The following COL4A5 variants were observed in gnomAD, a reference collection of about 807,000 sequenced individuals.
COL4A5 encodes collagen alpha-5(IV) chain.
In COL4A5, 26 loss-of-function variants were observed where a neutral mutation model predicts 130.2. The observed-to-expected ratio is 0.20, with a 90% CI of 0.15 to 0.28. The LOEUF (loss-of-function observed/expected upper bound fraction) is 0.28. Ranked by LOEUF, COL4A5 falls within the 10% of genes least tolerant of loss-of-function variation. The probability of loss-of-function intolerance (pLI) is 1.00; values close to 1 mark genes in which losing one functional copy is unlikely to be tolerated. For synonymous variants in COL4A5, 496 were observed against 439.6 expected, an observed-to-expected ratio of 1.13 and a Z score of -1.60; for missense variants, 1,131 against 1,344.3, an observed-to-expected ratio of 0.84 and a Z score of 2.48.
At chrX:108,639,330 G>T (rs1312386509) in intron 36 of COL4A5, among the ~76,000 whole-genome samples, 1 of 110,990 alleles carries the variant, frequency 9.0e-6, no homozygotes, top group Non-Finnish European at 1.9e-5. Context: ...ATGTCCATAT[G>T]CAGAAGAATG....
chrX:108,617,862 A>G (rs1314858066), intron 30 of COL4A5, among the ~76,000 whole-genome samples: 2 of 112,057 alleles, frequency 1.8e-5, no homozygotes, highest in African/African-American at 6.5e-5. Context: ...ACTAATGTGA[A>G]TCAAAACAAA....
intron 1 of COL4A5, among the ~76,000 whole-genome samples, chrX:108,451,410 G>A (rs2064510949): frequency 8.9e-6 from 1 of 111,847 alleles, no homozygotes; most frequent in Non-Finnish European, 1.9e-5. Flanking sequence ...GAACCCTGAG[G>A]AATCGCCACA....
intron 1 of COL4A5, among the ~76,000 whole-genome samples, chrX:108,447,143 G>GC (rs949701469): frequency 2.7e-5 from 3 of 110,713 alleles, no homozygotes; most frequent in Non-Finnish European, 5.7e-5. Context: ...CCTCTCACCA[G>GC]CCCCTGCACT....
intron 39 of COL4A5, 48 bp from the exon 40 acceptor site, chrX:108,667,085 G>A (rs1333353237): frequency 8.6e-7 from 1 of 1,164,402 alleles, no homozygotes; most frequent in African/African-American, 1.8e-5. Context: ...GTTTCAGTTT[G>A]TATTATCCAC....
chrX:108,502,875 G>A (rs887878912), intron 1 of COL4A5, among the ~76,000 whole-genome samples: 2 of 111,224 alleles, frequency 1.8e-5, no homozygotes, highest in Admixed American at 9.6e-5. Context: ...ACCCAAATTC[G>A]CGTTCCTAGG....
At chrX:108,550,400 A>G (rs2065733772) in intron 2 of COL4A5, among the ~76,000 whole-genome samples, 1 of 112,325 alleles carries the variant, frequency 8.9e-6, no homozygotes, top group Admixed American at 9.5e-5. Context: ...GTGACTCACT[A>G]TATTAAAGAC....
At position 108,680,324 on chromosome X, in the gene COL4A5, G is replaced by A. The variant is rs140812034; in HGVS notation, c.3943-355G>A. ...TGTGACATTTCCCTTACCCAACCACGGCCAGTTGGTTGTGTTTTAACTTTG... is the reference window on the plus strand; with the variant it reads ...TGTGACATTTCCCTTACCCAACCACAGCCAGTTGGTTGTGTTTTAACTTTG... On this transcript the variant is annotated intron_variant, in intron 44 of 52. Coordinates refer to ENST00000328300, the MANE Select transcript of COL4A5 (RefSeq NM_033380.3). 3.1e-4 allele frequency among the ~76,000 whole-genome samples: 35 copies of A among 111,475 alleles called. No individual in the cohort carries two copies. The East Asian group carries it at 5.7e-3, about 18-fold the overall frequency.
intron 9 of COL4A5, among the ~76,000 whole-genome samples, chrX:108,574,599 T>C (rs1388827053): frequency 8.9e-6 from 1 of 111,878 alleles, no homozygotes; most frequent in Admixed American, 9.5e-5. Context: ...AGCAATAGAA[T>C]ATTTAGCTTT....
chrX:108,630,622 G>A (rs965108400), intron 36 of COL4A5, among the ~76,000 whole-genome samples: 1 of 111,743 alleles, frequency 8.9e-6, no homozygotes, highest in African/African-American at 3.3e-5. Flanking sequence ...TCACTCTGAT[G>A]GTAGTTTCTT....
intron 1 of COL4A5, among the ~76,000 whole-genome samples, chrX:108,472,052 C>T (rs994225887): frequency 2.7e-5 from 3 of 111,349 alleles, no homozygotes; most frequent in Non-Finnish European, 3.8e-5. Context: ...TTTCATTCTT[C>T]TCTTAAGTAT....
intron 1 of COL4A5, among the ~76,000 whole-genome samples, chrX:108,483,300 A>C (rs771231531): frequency 9.0e-6 from 1 of 110,532 alleles, no homozygotes; most frequent in Non-Finnish European, 1.9e-5. Context: ...AAGGTCCCAC[A>C]ATATGCTGTC....
At chrX:108,458,632 T>C (rs2064608052) in intron 1 of COL4A5, among the ~76,000 whole-genome samples, 1 of 111,980 alleles carries the variant, frequency 8.9e-6, no homozygotes, top group Non-Finnish European at 1.9e-5. Flanking sequence ...AAAAATGATG[T>C]CTTAACAGTA....
At chrX:108,589,935 A>G (rs1400423267) in intron 19 of COL4A5, among the ~76,000 whole-genome samples, 5 of 111,603 alleles carry the variant, frequency 4.5e-5, no homozygotes, top group Non-Finnish European at 9.4e-5. Flanking sequence ...AGACAAATCA[A>G]TAAGAGAAAA....
chrX:108,504,081 A>G (rs1054283497), intron 1 of COL4A5, among the ~76,000 whole-genome samples: 2 of 111,710 alleles, frequency 1.8e-5, no homozygotes, highest in Non-Finnish European at 3.8e-5. Context: ...ACTGAGAAAT[A>G]AAGCCAAATA....
chrX:108,469,169 C>CTTTTTTTTTTTTT (rs529015725), intron 1 of COL4A5, among the ~76,000 whole-genome samples: 1 of 77,676 alleles, frequency 1.3e-5, no homozygotes, highest in Non-Finnish European at 2.4e-5. Context: ...CTCTCTCTCT[C>CTTTTTTTTTTTTT]TTTTTTTTTT....
chrX:108,652,732 A>C (rs1433373047), intron 36 of COL4A5, among the ~76,000 whole-genome samples: 1 of 112,374 alleles, frequency 8.9e-6, no homozygotes, highest in East Asian at 2.8e-4. Context: ...AACAACAAAG[A>C]AGATATCAAA....
chrX:108,571,825 C>T lies in COL4A5; in HGVS notation c.453C>T (p.Ile151=), dbSNP rs2147755078. The T allele has an allele frequency of 8.4e-7, 1 of 1,190,229 alleles. No individual in the cohort carries two copies. The highest frequency in any genetic ancestry group is 1.1e-6 in the Non-Finnish European group (1 of 876,306). Residue 151 remains isoleucine (I), a synonymous_variant, in exon 8 of 53, where the codon ATC becomes ATT. Transcript: ENST00000328300. ...TTTAATAATAGGGACCCCCTGGGAT[C>T]CCAGGTATGAAGGTAAGCATCTCAT... ...GLQGPPGPPG[I]PGMKGEPGSI... is the part of the protein sequence containing the mutation.
chrX:108,621,984 A>G, intron 32 of COL4A5, 92 bp downstream of exon 32: 1 of 643,724 alleles, frequency 1.6e-6, no homozygotes, highest in Non-Finnish European at 2.5e-6. Context: ...GACTGTTTTA[A>G]AATGAGCAAT....
intron 25 of COL4A5, 66 bp downstream of exon 25, chrX:108,598,936 C>T: frequency 1.8e-6 from 2 of 1,091,567 alleles, no homozygotes; most frequent in South Asian, 3.8e-5. Flanking sequence ...GTTTTGGCTA[C>T]TCATGGCTTC....
Sources: gnomAD v4.1 joint callset for allele counts (sites outside exome capture counted in the v4.1 genomes callset) on GRCh38, gnomAD v4.1.1 for gene constraint, MANE v1.5 for transcripts, NCBI Gene and HGNC (gene_info 2026-07-23, HGNC 2026-07-21) for gene names.